The following CIP2A variants were observed in gnomAD, a reference collection of about 807,000 sequenced individuals.
CIP2A encodes protein CIP2A.
In CIP2A, 103 loss-of-function variants were observed where a neutral mutation model predicts 110.9. The ratio of observed to expected loss-of-function variants is 0.93; its 90% CI spans 0.79 to 1.09. The LOEUF is 1.09. Among genes scored for constraint, CIP2A ranks in the 50% least tolerant of loss-of-function variants. The pLI is 0.00. For missense variants in CIP2A, 1,088 were observed against 1,038.4 expected, an observed-to-expected ratio of 1.05 and a Z score of -0.66; for synonymous variants, 381 against 361.6, an observed-to-expected ratio of 1.05 and a Z score of -0.61.
chr3:108,588,102 G>A (rs1443577643), intron 1 of CIP2A, among the ~76,000 whole-genome samples: 1 of 152,064 alleles, frequency 6.6e-6, no homozygotes, highest in Non-Finnish European at 1.5e-5. Flanking sequence ...CAACCTTCCT[G>A]TTTATTCAAA....
intron 7 of CIP2A, among the ~76,000 whole-genome samples, chr3:108,576,706 T>G (rs1318820024): frequency 6.6e-6 from 1 of 152,198 alleles, no homozygotes; most frequent in African/African-American, 2.4e-5. Flanking sequence ...AAGAATATCC[T>G]AATACATTAT....
intron 9 of CIP2A, among the ~76,000 whole-genome samples, chr3:108,568,543 A>C (rs1245233651): frequency 6.6e-6 from 1 of 152,010 alleles, no homozygotes; most frequent in Non-Finnish European, 1.5e-5. Context: ...TTTACAAATA[A>C]GACTTTTTTA....
At chr3:108,569,758 G>A (rs1938321453) in intron 8 of CIP2A, 151 bp from the exon 9 acceptor site, 1 of 632,588 alleles carries the variant, frequency 1.6e-6, no homozygotes, top group Non-Finnish European at 2.8e-6. Flanking sequence ...TTTTTCAAAT[G>A]TGTGAATAGG....
In CIP2A at chr3:108,551,226, G is replaced by A. The variant is rs368068631; in HGVS notation, c.2641C>T (p.His881Tyr). The change falls in exon 21 of 21, where the codon CAC becomes TAC. Residue 881 changes from histidine to tyrosine, a missense_variant. Physicochemically the swap from His to Tyr is moderately conservative, Grantham distance 83. Transcript: ENST00000295746. ...VKLQQEELNK[H>Y]SHMIAMIHSL... is the part of the protein sequence containing the mutation. ...TGGATCATTGCTATCATGTGGGAGT[G>A]TTTGTTCAATTCCTCTTGCTGAAGT... 3 of 1,611,970 alleles carry A rather than the reference G, an allele frequency of 1.9e-6. No individual in the cohort carries two copies. Among genetic ancestry groups the A allele is most frequent in the African/African-American group, 2.7e-5 (2 of 74,818 alleles).
At chr3:108,569,168 C>CTATATATATATATATATATATA (rs1163991017) in intron 9 of CIP2A, among the ~76,000 whole-genome samples, 306 of 11,046 alleles carry the variant, frequency 0.028, 55 homozygotes, top group Middle Eastern at 0.15. Flanking sequence ...GAAATGAGCA[C>CTATATATATATATATATATATA]TATATATATA....
At chr3:108,582,605 T>C (rs552225962) in intron 3 of CIP2A, among the ~76,000 whole-genome samples, 1 of 152,372 alleles carries the variant, frequency 6.6e-6, no homozygotes, top group South Asian at 2.1e-4. Context: ...CTATATTAAA[T>C]AGACTCTATC....
At position 108,584,038 on chromosome 3, in the gene CIP2A, A is replaced by T. The variant is rs1938968349; in HGVS notation, c.251-955T>A. 3.3e-5 allele frequency among the ~76,000 whole-genome samples: 5 copies of T among 152,246 alleles called. No homozygotes were observed. The South Asian group carries it at 8.3e-4, about 25-fold the overall frequency. On this transcript the variant is annotated intron_variant, in intron 2 of 20. Coordinates refer to ENST00000295746, the MANE Select transcript of CIP2A (RefSeq NM_020890.3). ...ATGTTAGAAGTGGAAGAATCTTTTC[A>T]GAAAGCAATTTAGTAACGGTTATCA...
At chr3:108,585,678 G>C in intron 1 of CIP2A, 1 of 456,252 alleles carries the variant, frequency 2.2e-6, no homozygotes, top group Non-Finnish European at 4.4e-6. Context: ...TGAGGGAGGA[G>C]AATGAAAAAT....
intron 1 of CIP2A, 48 bp downstream of exon 1, chr3:108,589,226 G>T: frequency 7.1e-7 from 1 of 1,411,812 alleles, no homozygotes; most frequent in Non-Finnish European, 1.0e-6. Context: ...TGTGAAATAA[G>T]AATTGCTAGG....
chr3:108,576,812 C>G (rs973075596), intron 7 of CIP2A, among the ~76,000 whole-genome samples: 2 of 152,178 alleles, frequency 1.3e-5, no homozygotes, highest in Non-Finnish European at 2.9e-5. Context: ...TTACACAACT[C>G]CAAGAGGTAC....
At position 108,550,933 on chromosome 3, in the gene CIP2A, C is replaced by A; in HGVS notation, c.*216G>T. 3.3e-6 allele frequency: 1 copy of A among 301,922 alleles called. No homozygotes were observed. Among genetic ancestry groups the A allele is most frequent in the Non-Finnish European group, 6.0e-6 (1 of 166,442 alleles). The allele number at this position is 301,922 out of a possible 1,614,324, so 18.7% of individuals were successfully genotyped here. A position where few individuals can be genotyped will look rare whatever the true frequency, so the allele number is the denominator to read the frequency against. On this transcript the variant is annotated 3_prime_UTR_variant, in exon 21 of 21. Transcript: ENST00000295746. The stretch of plus-strand genomic sequence containing the variant: ...TGTAAGAACCAAAGAAAACCTTAAG[C>A]CATAAAAGCCAGAAACAAAAAGTAA...
Position 108,566,572 on chromosome 3 carries a change from G to C in CIP2A, c.1340C>G (p.Thr447Ser), listed in dbSNP as rs368756413. 9 of 1,606,432 alleles carry C rather than the reference G, an allele frequency of 5.6e-6. No individual in the cohort carries two copies. Among genetic ancestry groups the C allele is most frequent in the Non-Finnish European group, 7.7e-6 (9 of 1,175,820 alleles). Residue 447 changes from threonine to serine, a missense_variant, in exon 11 of 21, where the codon ACT becomes AGT. Coordinates refer to ENST00000295746, the MANE Select transcript of CIP2A (RefSeq NM_020890.3). ...ATATGTAAATTGTTGTTCTATAAGAGTGGTACACTTGACAGTTGTCAAGAT... is the reference window on the plus strand; with the variant it reads ...ATATGTAAATTGTTGTTCTATAAGACTGGTACACTTGACAGTTGTCAAGAT... ...AKILTTVKCT[T>S]LIEQQFTYGK...
chr3:108,557,182 G>T, intron 17 of CIP2A, 36 bp downstream of exon 17: 2 of 1,367,394 alleles, frequency 1.5e-6, no homozygotes, highest in Non-Finnish European at 2.0e-6. Context: ...TTCATTCTAG[G>T]TTCTAACCTT....
intron 8 of CIP2A, among the ~76,000 whole-genome samples, chr3:108,575,515 C>CGTATAT (rs1559699041): frequency 1.1e-4 from 9 of 78,726 alleles, no homozygotes; most frequent in African/African-American, 3.4e-4. Context: ...TATATATACA[C>CGTATAT]ATACATATAT....
In CIP2A at chr3:108,551,340, G is replaced by GA. The variant is rs780612393; in HGVS notation, c.2548-22dup. ...GAAGCCTAAGGAATTGGGGTTGGGG[G>GA]AGGAGGAAGAATTGAGAAGAAAAAT... On this transcript the variant is annotated intron_variant, in intron 20 of 20. Transcript: ENST00000295746. 25 of 1,562,644 alleles carry GA rather than the reference G, an allele frequency of 1.6e-5. No homozygotes were observed. In the East Asian group the frequency reaches 5.7e-4, roughly 36 times the overall value.
intron 12 of CIP2A, 130 bp from the exon 13 acceptor site, chr3:108,563,374 A>G: frequency 3.0e-6 from 2 of 659,346 alleles, no homozygotes; most frequent in Non-Finnish European, 5.4e-6. Context: ...TAATGTTTGA[A>G]TATATTATAG....
intron 9 of CIP2A, 145 bp downstream of exon 9, chr3:108,569,244 C>T (rs1276685597): frequency 1.1e-5 from 6 of 546,578 alleles, no homozygotes; most frequent in Admixed American, 1.1e-4. Flanking sequence ...CAGAAAAAAA[C>T]CTAGCGAGTC....
chr3:108,565,933 T>C (rs1304372515), intron 11 of CIP2A, among the ~76,000 whole-genome samples: 1 of 151,808 alleles, frequency 6.6e-6, no homozygotes, highest in East Asian at 1.9e-4. Flanking sequence ...TTGTGACATC[T>C]GTGGAAACAG....
Position 108,579,211 on chromosome 3 carries a change from T to C in CIP2A, c.818+70A>G, listed in dbSNP as rs1938779347. On this transcript the variant is annotated intron_variant, in intron 7 of 20. Coordinates refer to ENST00000295746, the MANE Select transcript of CIP2A (RefSeq NM_020890.3). ...AGTTTATTATATTTTAAGAAGACAA[T>C]TCTGTTTATAACCAACACATCTTGG... 2 of 1,175,708 alleles carry C rather than the reference T, an allele frequency of 1.7e-6. 1 individual carries two copies. Among genetic ancestry groups the C allele is most frequent in the South Asian group, 2.7e-5 (2 of 74,022 alleles). The allele number at this position is 1,175,708 out of a possible 1,614,324, so 72.8% of individuals were successfully genotyped here.
Sources: gnomAD v4.1 joint callset for allele counts (sites outside exome capture counted in the v4.1 genomes callset) on GRCh38, gnomAD v4.1.1 for gene constraint, MANE v1.5 for transcripts, NCBI Gene and HGNC (gene_info 2026-07-23, HGNC 2026-07-21) for gene names.